GPR39: variants seen among roughly 807,000 people sequenced by gnomAD.
GPR39 encodes zinc sensing receptor.
A neutral mutation model predicts 18.4 loss-of-function variants in GPR39; 23 were observed. The ratio of observed to expected loss-of-function variants is 1.25; its 90% confidence interval spans 0.90 to 1.77. The LOEUF (loss-of-function observed/expected upper bound fraction) is 1.77. Ranked by LOEUF, GPR39 falls within the 40% of genes most tolerant of loss-of-function variation. GPR39 has a pLI of 0.00. For synonymous variants in GPR39, 280 were observed against 257.9 expected (o/e 1.09, Z -0.82); for missense variants, 647 against 602.4 (o/e 1.07, Z -0.78).
intron 1 of GPR39, among the ~76,000 whole-genome samples, chr2:132,558,522 C>T (rs1245378495): frequency 1.3e-5 from 2 of 152,154 alleles, no homozygotes; most frequent in East Asian, 3.9e-4. Flanking sequence ...TCCTTTCTGA[C>T]ACAATGTAAC....
intron 1 of GPR39, among the ~76,000 whole-genome samples, chr2:132,627,360 G>A (rs978835593): frequency 6.6e-6 from 1 of 152,192 alleles, no homozygotes; most frequent in African/African-American, 2.4e-5. Context: ...AACCATCCAA[G>A]TACAACAGTG....
At chr2:132,429,415 CT>C (rs1680185389) in intron 1 of GPR39, among the ~76,000 whole-genome samples, 1 of 152,218 alleles carries the variant, frequency 6.6e-6, no homozygotes. Context: ...CTTTTGGCTG[CT>C]TTTTATCTCT....
At position 132,602,934 on chromosome 2, in the gene GPR39, G is replaced by C. The variant is rs58075467; in HGVS notation, c.857-42167G>C. ...GAAAGAGAACTCTGACATACTGTTGGTGATCATGTAAATTAGTACAGCTAT... is the reference window on the plus strand; with the variant it reads ...GAAAGAGAACTCTGACATACTGTTGCTGATCATGTAAATTAGTACAGCTAT... On this transcript the variant is annotated intron_variant, in intron 1 of 1. Coordinates refer to ENST00000329321, the MANE Select transcript of GPR39 (RefSeq NM_001508.3). Among the ~76,000 whole-genome samples, 4 of 150,642 alleles carry C rather than the reference G, an allele frequency of 2.7e-5. No individual in the cohort carries two copies. In the South Asian group the frequency reaches 8.4e-4, roughly 32 times the overall value.
chr2:132,509,462 G>A (rs200498948), intron 1 of GPR39, among the ~76,000 whole-genome samples: 2 of 62,894 alleles, frequency 3.2e-5, no homozygotes, highest in African/African-American at 1.0e-4. Context: ...ACACTCACTC[G>A]CACATGTCCC....
At chr2:132,522,706 C>T (rs1679446941) in intron 1 of GPR39, among the ~76,000 whole-genome samples, 1 of 152,172 alleles carries the variant, frequency 6.6e-6, no homozygotes, top group African/African-American at 2.4e-5. Context: ...TTGCAGAGCA[C>T]AGCCTTCTTG....
chr2:132,528,818 C>G (rs949914649), intron 1 of GPR39, among the ~76,000 whole-genome samples: 4 of 152,222 alleles, frequency 2.6e-5, no homozygotes, highest in African/African-American at 9.6e-5. Flanking sequence ...TTTTTATCAG[C>G]TTAAGGAGTT....
intron 1 of GPR39, among the ~76,000 whole-genome samples, chr2:132,638,296 G>T (rs1681800005): frequency 6.6e-6 from 1 of 152,170 alleles, no homozygotes; most frequent in South Asian, 2.1e-4. Flanking sequence ...ATGCTTTAAA[G>T]GCTTCAGTGA....
intron 1 of GPR39, among the ~76,000 whole-genome samples, chr2:132,442,056 C>G (rs1046549725): frequency 2.6e-5 from 4 of 152,108 alleles, no homozygotes; most frequent in Non-Finnish European, 5.9e-5. Flanking sequence ...CCTGTAGAGT[C>G]ACAATTGTCC....
At chr2:132,591,476 T>C (rs1001917729) in intron 1 of GPR39, among the ~76,000 whole-genome samples, 1 of 152,070 alleles carries the variant, frequency 6.6e-6, no homozygotes, top group Non-Finnish European at 1.5e-5. Context: ...TTCCCTACTT[T>C]TGAGGTTTGG....
In GPR39 at chr2:132,551,499, C is replaced by T. The variant is rs970463104; in HGVS notation, c.857-93602C>T. On this transcript the variant is annotated intron_variant, in intron 1 of 1. Transcript: ENST00000329321. Reference sequence around the variant, plus strand: ...GGCTCCATATCACCCTAAAACTGTCCACATTCCCATTTGTATGTAATATGT... The same window carrying T: ...GGCTCCATATCACCCTAAAACTGTCTACATTCCCATTTGTATGTAATATGT... Among the ~76,000 whole-genome samples, 2 of 152,110 alleles carry T rather than the reference C, an allele frequency of 1.3e-5. 1 individual carries two copies. The highest frequency in any genetic ancestry group is 4.2e-4 in the South Asian group (2 of 4,818).
At chr2:132,447,703 A>G (rs1275875849) in intron 1 of GPR39, among the ~76,000 whole-genome samples, 2 of 152,226 alleles carry the variant, frequency 1.3e-5, no homozygotes, top group Admixed American at 6.5e-5. Flanking sequence ...GCAATTAGAA[A>G]AGAATCCATT....
Position 132,424,298 on chromosome 2 carries a change from A to T in GPR39, c.856+6400A>T, listed in dbSNP as rs536860921. Among the ~76,000 whole-genome samples, 9 of 152,356 alleles carry T rather than the reference A, an allele frequency of 5.9e-5. No individual in the cohort carries two copies. In the East Asian group the frequency reaches 1.5e-3, roughly 26 times the overall value. ...ACCACTTTTTAACAAGGGGTCCTCA[A>T]GGTAATGAGGATACAGTGGGGGTGA... On this transcript the variant is annotated intron_variant, in intron 1 of 1. Transcript: ENST00000329321.
At chr2:132,494,020 G>A (rs907430410) in intron 1 of GPR39, among the ~76,000 whole-genome samples, 34 of 152,134 alleles carry the variant, frequency 2.2e-4, no homozygotes, top group Non-Finnish European at 3.4e-4. Context: ...TAGCTAGTGG[G>A]GTTTCTCCAG....
intron 1 of GPR39, among the ~76,000 whole-genome samples, chr2:132,470,091 TG>T (rs1273847299): frequency 6.6e-6 from 1 of 152,148 alleles, no homozygotes; most frequent in Non-Finnish European, 1.5e-5. Context: ...GACCCCCAAC[TG>T]GGCAAGAGCT....
chr2:132,592,108 A>C (rs751994181), intron 1 of GPR39, among the ~76,000 whole-genome samples: 2 of 152,256 alleles, frequency 1.3e-5, no homozygotes, highest in East Asian at 1.9e-4. Flanking sequence ...TAAGAGCAAA[A>C]TAGACAAAAA....
chr2:132,543,394 A>G (rs1035747029), intron 1 of GPR39, among the ~76,000 whole-genome samples: 2 of 152,186 alleles, frequency 1.3e-5, no homozygotes, highest in Non-Finnish European at 2.9e-5. Flanking sequence ...CCCCTATGCA[A>G]GTTCCCTTAT....
At chr2:132,477,181 G>A (rs1681146147) in intron 1 of GPR39, among the ~76,000 whole-genome samples, 1 of 152,190 alleles carries the variant, frequency 6.6e-6, no homozygotes. Flanking sequence ...AAAATTGTAT[G>A]TGCTGTAGAA....
chr2:132,519,284 TTTA>T (rs71001197), intron 1 of GPR39, among the ~76,000 whole-genome samples: 2 of 151,122 alleles, frequency 1.3e-5, no homozygotes, highest in Admixed American at 6.6e-5. Context: ...AAGAAGGTTG[TTTA>T]TTATTATTAT....
intron 1 of GPR39, among the ~76,000 whole-genome samples, chr2:132,512,213 T>TAAGTAAACCTAAGGCGTA (rs1262862431): frequency 1.9e-4 from 29 of 152,288 alleles, no homozygotes; most frequent in African/African-American, 6.0e-4. Context: ...TGCTGAACTG[T>TAAGTAAACCTAAGGCGTA]AAGTAAACCT....
Sources: gnomAD v4.1 joint callset for allele counts (sites outside exome capture counted in the v4.1 genomes callset) on GRCh38, gnomAD v4.1.1 for gene constraint, MANE v1.5 for transcripts, NCBI Gene and HGNC (gene_info 2026-07-23, HGNC 2026-07-21) for gene names.